Variants in HDAC4 observed in about 807,000 individuals in gnomAD.
HDAC4 encodes histone deacetylase A.
HDAC4 carries 16 observed loss-of-function variants against 135.1 expected under a neutral mutation model. The ratio of observed to expected loss-of-function variants is 0.12; its 90% confidence interval spans 0.08 to 0.18. The LOEUF is 0.18. HDAC4 is among the 10% of genes least tolerant of loss of function. HDAC4 has a pLI of 1.00. For synonymous variants in HDAC4, 685 were observed against 653.4 expected (o/e 1.05, Z -0.74); for missense variants, 1,143 against 1,511.8 (o/e 0.76, Z 4.05).
At chr2:239,112,887 T>C (rs1054907801) in intron 13 of HDAC4, among the ~76,000 whole-genome samples, 7 of 152,262 alleles carry the variant, frequency 4.6e-5, no homozygotes, top group Admixed American at 2.0e-4. Context: ...CTGCCAGCAC[T>C]GGGGGAAACC....
chr2:239,153,624 AAACTGATAATGCAATC>A (rs2042247184), intron 7 of HDAC4, among the ~76,000 whole-genome samples: 1 of 152,248 alleles, frequency 6.6e-6, no homozygotes, highest in Admixed American at 6.5e-5. Flanking sequence ...ACTTTTTAAA[AAACTGATAATGCAATC>A]AAATCTTAAT....
intron 19 of HDAC4, 65 bp downstream of exon 19, chr2:239,087,494 C>T (rs1316862597): frequency 4.6e-6 from 7 of 1,506,690 alleles, no homozygotes; most frequent in East Asian, 2.3e-5. Flanking sequence ...CACACCCACC[C>T]AGCCCTAAGG....
At chr2:239,383,823 G>A (rs991448369) in intron 1 of HDAC4, among the ~76,000 whole-genome samples, 3 of 152,200 alleles carry the variant, frequency 2.0e-5, no homozygotes, top group Admixed American at 6.5e-5. Flanking sequence ...GATACAAAGT[G>A]GAAACAGGAT....
chr2:239,186,081 C>A (rs746279764), intron 4 of HDAC4, among the ~76,000 whole-genome samples: 4 of 151,876 alleles, frequency 2.6e-5, no homozygotes, highest in East Asian at 1.9e-4. Context: ...AGAACTTCCA[C>A]GCTTACCTGG....
At chr2:239,399,596 C>A (rs1416236431) in intron 1 of HDAC4, among the ~76,000 whole-genome samples, 2 of 152,202 alleles carry the variant, frequency 1.3e-5, no homozygotes, top group Non-Finnish European at 2.9e-5. Context: ...AGTATCCCCC[C>A]AGTCCTGCTG....
At chr2:239,249,836 G>T (rs964908442) in intron 2 of HDAC4, among the ~76,000 whole-genome samples, 3 of 151,112 alleles carry the variant, frequency 2.0e-5, no homozygotes, top group Admixed American at 2.0e-4. Flanking sequence ...CAAAACTCTT[G>T]TGTCAGGAAA....
At chr2:239,291,800 C>A (rs1350032449) in intron 2 of HDAC4, among the ~76,000 whole-genome samples, 1 of 152,204 alleles carries the variant, frequency 6.6e-6, no homozygotes, top group Non-Finnish European at 1.5e-5. Flanking sequence ...CCAGTGTCCA[C>A]CATCGCCTTC....
chr2:239,049,146 G>A lies in HDAC4; in HGVS notation c.*3951C>T, dbSNP rs2030437049. The A allele has an allele frequency of 6.6e-6, 1 of 152,324 alleles. No homozygotes were observed. The highest frequency in any genetic ancestry group is 6.5e-5 in the Admixed American group (1 of 15,284). The allele number at this position is 152,324 out of a possible 1,614,324, so 9.4% of individuals were successfully genotyped here. A position where few individuals can be genotyped will look rare whatever the true frequency, so the allele number is the denominator to read the frequency against. ...ACTCTATTATTGGTATGTCACAAGT[G>A]CTAGATAAACTTTTTTTCTTAATAT... On this transcript the variant is annotated 3_prime_UTR_variant, in exon 27 of 27. Transcript: ENST00000543185.
At chr2:239,257,561 T>C (rs2049120005) in intron 2 of HDAC4, among the ~76,000 whole-genome samples, 1 of 152,102 alleles carries the variant, frequency 6.6e-6, no homozygotes, top group Non-Finnish European at 1.5e-5. Flanking sequence ...GAAATGTGGG[T>C]TGGGATCTGG....
intron 14 of HDAC4, 82 bp from the exon 15 acceptor site, chr2:239,108,265 G>T (rs2038340542): frequency 6.6e-7 from 1 of 1,505,086 alleles, no homozygotes; most frequent in Non-Finnish European, 9.0e-7. Flanking sequence ...CCCGGGTGGT[G>T]GCGGAACCAC....
intron 17 of HDAC4, chr2:239,094,235 G>A (rs2036783781): frequency 3.0e-6 from 3 of 985,404 alleles, no homozygotes; most frequent in African/African-American, 1.7e-5. Flanking sequence ...GGCCGCCCTC[G>A]CTATTGCCAC....
chr2:239,060,781 T>C (rs1330997760), intron 24 of HDAC4, among the ~76,000 whole-genome samples: 1 of 152,256 alleles, frequency 6.6e-6, no homozygotes, highest in Non-Finnish European at 1.5e-5. Context: ...TAACTCTGTC[T>C]GTCACAAGCA....
chr2:239,126,628 A>C lies in HDAC4; in HGVS notation c.1361T>G (p.Val454Gly), dbSNP rs990379071. The C allele has an allele frequency of 2.5e-6, 4 of 1,613,826 alleles. No individual in the cohort carries two copies. The highest frequency in any genetic ancestry group is 3.4e-6 in the Non-Finnish European group (4 of 1,179,972). ...CCGCAGCTTGTGGATGGAGGGGGAC[A>C]CCCGGTCTGCACCAACCAAGGACTG... ...HAQSLVGADR[V>G]SPSIHKLRQH... The change falls in exon 12 of 27, where the codon GTG (valine) becomes GGG (glycine). Residue 454 changes from valine to glycine, a missense_variant. Physicochemically the swap from Val to Gly is moderately radical, Grantham distance 109 (BLOSUM62 -3). This residue lies in a region of HDAC4 where 272 missense variants were observed against 309.7 expected (regional missense o/e 0.88). Coordinates refer to ENST00000543185, the MANE Select transcript of HDAC4 (RefSeq NM_001378414.1).
At chr2:239,119,949 GA>G (rs1372875860) in intron 12 of HDAC4, among the ~76,000 whole-genome samples, 1 of 139,160 alleles carries the variant, frequency 7.2e-6, no homozygotes, top group Non-Finnish European at 1.6e-5. Flanking sequence ...GAGTGAGCAG[GA>G]GGCACCAGGA....
At chr2:239,155,953 C>G (rs1424488586) in intron 7 of HDAC4, among the ~76,000 whole-genome samples, 1 of 152,202 alleles carries the variant, frequency 6.6e-6, no homozygotes, top group Non-Finnish European at 1.5e-5. Context: ...TCTTGCTACC[C>G]CAGCGCACTG....
At chr2:239,159,363 A>C (rs1575231479) in intron 6 of HDAC4, among the ~76,000 whole-genome samples, 4 of 121,364 alleles carry the variant, frequency 3.3e-5, no homozygotes, top group South Asian at 2.9e-4. Flanking sequence ...CCCCACACCC[A>C]CCTCACACCC....
intron 2 of HDAC4, among the ~76,000 whole-genome samples, chr2:239,283,376 G>A (rs375120747): frequency 2.0e-5 from 3 of 152,238 alleles, no homozygotes; most frequent in East Asian, 1.9e-4. Flanking sequence ...CAGGAGCTGC[G>A]GGGCTCCTCA....
intron 2 of HDAC4, among the ~76,000 whole-genome samples, chr2:239,319,093 A>G (rs912813015): frequency 3.9e-5 from 6 of 152,230 alleles, no homozygotes; most frequent in Non-Finnish European, 8.8e-5. Context: ...AGACGAACAA[A>G]AAACGGAACT....
intron 2 of HDAC4, among the ~76,000 whole-genome samples, chr2:239,281,262 A>ATG (rs2050720678): frequency 7.2e-6 from 1 of 139,614 alleles, no homozygotes; most frequent in African/African-American, 2.7e-5. Context: ...TGTACACACC[A>ATG]CTCTACACAC....
Sources: allele counts gnomAD v4.1 joint callset (sites outside exome capture counted in the v4.1 genomes callset), GRCh38; gene constraint gnomAD v4.1.1; regional missense constraint gnomAD v4.1.1; transcripts MANE v1.5; gene names NCBI Gene and HGNC (gene_info 2026-07-23, HGNC 2026-07-21).